Variants in SGCZ observed in about 807,000 individuals in gnomAD.
SGCZ encodes sarcoglycan zeta, also known as zeta-sarcoglycan.
SGCZ carries 40 observed loss-of-function variants against 41.3 expected under a neutral mutation model. That is an observed-to-expected ratio of 0.97 (90% CI 0.75 to 1.26). The LOEUF is 1.26. SGCZ is among the 50% of genes most tolerant of loss of function. SGCZ has a pLI of 0.00. For missense variants in SGCZ, 552 were observed against 369.8 expected, an observed-to-expected ratio of 1.49 and a Z score of -4.04; for synonymous variants, 206 against 137.5, an observed-to-expected ratio of 1.50 and a Z score of -3.49.
At chr8:14,595,607 G>C (rs1004260713) in intron 1 of SGCZ, among the ~76,000 whole-genome samples, 27 of 152,260 alleles carry the variant, frequency 1.8e-4, no homozygotes, top group African/African-American at 6.3e-4. Flanking sequence ...CTAATTCCCA[G>C]TTTGTTTTGC....
intron 1 of SGCZ, among the ~76,000 whole-genome samples, chr8:14,942,162 T>A (rs1800297900): frequency 6.6e-6 from 1 of 151,986 alleles, no homozygotes; most frequent in African/African-American, 2.4e-5. Flanking sequence ...TGGTACCACA[T>A]CTTGAGAGTA....
rs892073440 is a variant in SGCZ at position 15,110,919 on chromosome 8, G to C, written c.39+126666C>G. 1.6e-4 allele frequency among the ~76,000 whole-genome samples: 25 copies of C among 152,104 alleles called. 1 individual carries two copies. The highest frequency in any genetic ancestry group is 6.0e-4 in the African/African-American group (25 of 41,398). On this transcript the variant is annotated intron_variant, in intron 1 of 7. Transcript: ENST00000382080. ...GAAGGCACAGGTTGCAGTGAGCTGA[G>C]GTCGCGCCATTGCACTCCAGTCTGG...
At chr8:14,737,352 A>C (rs1799068237) in intron 1 of SGCZ, among the ~76,000 whole-genome samples, 1 of 152,012 alleles carries the variant, frequency 6.6e-6, no homozygotes, top group Non-Finnish European at 1.5e-5. Context: ...ACAGACGGTC[A>C]ATTGGAAGCA....
chr8:14,985,309 A>G (rs1801794774), intron 1 of SGCZ, among the ~76,000 whole-genome samples: 1 of 152,156 alleles, frequency 6.6e-6, no homozygotes, highest in Non-Finnish European at 1.5e-5. Context: ...TGGTGACAGC[A>G]TTGGTATACT....
chr8:14,322,860 T>C (rs1264259109), intron 3 of SGCZ, among the ~76,000 whole-genome samples: 1 of 152,160 alleles, frequency 6.6e-6, no homozygotes, highest in Non-Finnish European at 1.5e-5. Flanking sequence ...TGACTATCAA[T>C]GAAAGTAAGA....
At chr8:14,460,708 T>C (rs1401971759) in intron 2 of SGCZ, among the ~76,000 whole-genome samples, 4 of 152,142 alleles carry the variant, frequency 2.6e-5, no homozygotes, top group East Asian at 1.9e-4. Context: ...GTGTATTAGA[T>C]CAAGAAAGAC....
intron 4 of SGCZ, chr8:14,164,958 G>C (rs1457807150): frequency 2.6e-6 from 1 of 388,350 alleles, no homozygotes; most frequent in Non-Finnish European, 4.7e-6. Flanking sequence ...AGCCAGTTAA[G>C]AGCCCTTCAC....
chr8:14,628,093 C>T (rs1386372984), intron 1 of SGCZ, among the ~76,000 whole-genome samples: 1 of 151,916 alleles, frequency 6.6e-6, no homozygotes, highest in Non-Finnish European at 1.5e-5. Flanking sequence ...AAATGTTATG[C>T]TAGAACATGA....
intron 1 of SGCZ, among the ~76,000 whole-genome samples, chr8:14,894,969 A>G (rs936451422): frequency 6.6e-5 from 10 of 152,138 alleles, no homozygotes; most frequent in African/African-American, 2.4e-4. Context: ...TAAATGCAAA[A>G]AAATCTTTAT....
At chr8:14,632,751 C>A (rs190727901) in intron 1 of SGCZ, among the ~76,000 whole-genome samples, 2 of 151,934 alleles carry the variant, frequency 1.3e-5, no homozygotes, top group African/African-American at 4.8e-5. Context: ...ATCCAATATT[C>A]TATTTCTATA....
At chr8:14,678,052 A>T (rs1210910659) in intron 1 of SGCZ, among the ~76,000 whole-genome samples, 1 of 152,194 alleles carries the variant, frequency 6.6e-6, no homozygotes, top group African/African-American at 2.4e-5. Context: ...TACAAAATGG[A>T]TCACAAACTT....
chr8:15,166,729 G>A (rs1030436242), intron 1 of SGCZ, among the ~76,000 whole-genome samples: 1 of 152,144 alleles, frequency 6.6e-6, no homozygotes, highest in Admixed American at 6.5e-5. Flanking sequence ...GTTTCTAACT[G>A]CAACTACCCT....
Position 15,232,001 on chromosome 8 carries a change from C to G in SGCZ, c.39+5584G>C, listed in dbSNP as rs568949531. ...AGAAGCTAAGAATTTTATCACAAACCAAGCACAATTCTCAACAAATAAATG... is the reference window on the plus strand; with the variant it reads ...AGAAGCTAAGAATTTTATCACAAACGAAGCACAATTCTCAACAAATAAATG... On this transcript the variant is annotated intron_variant, in intron 1 of 7. Coordinates refer to ENST00000382080, the MANE Select transcript of SGCZ (RefSeq NM_139167.4). Among the ~76,000 whole-genome samples the G allele has an allele frequency of 2.0e-4, 31 of 152,246 alleles. No homozygotes were observed. In the South Asian group the frequency reaches 5.2e-3, roughly 25 times the overall value.
intron 4 of SGCZ, among the ~76,000 whole-genome samples, chr8:14,230,356 A>G (rs1031602335): frequency 1.4e-4 from 22 of 152,118 alleles, no homozygotes; most frequent in African/African-American, 5.3e-4. Context: ...CTTATACATA[A>G]TGCATACTAT....
At chr8:14,282,790 C>T (rs1006643533) in intron 3 of SGCZ, among the ~76,000 whole-genome samples, 1 of 151,376 alleles carries the variant, frequency 6.6e-6, no homozygotes, top group Non-Finnish European at 1.5e-5. Flanking sequence ...CTCTACATTT[C>T]CTACCTTTCA....
At chr8:14,165,933 C>G (rs996670742) in intron 4 of SGCZ, among the ~76,000 whole-genome samples, 2 of 152,116 alleles carry the variant, frequency 1.3e-5, no homozygotes, top group Non-Finnish European at 2.9e-5. Context: ...ACTCCCAGTG[C>G]TAGCCAATAG....
intron 5 of SGCZ, among the ~76,000 whole-genome samples, chr8:14,163,977 T>G (rs1804129490): frequency 6.6e-6 from 1 of 152,204 alleles, no homozygotes; most frequent in African/African-American, 2.4e-5. Context: ...AGATTGTGCT[T>G]AAAATTGTCA....
At chr8:14,981,906 T>G (rs1254524076) in intron 1 of SGCZ, among the ~76,000 whole-genome samples, 2 of 152,064 alleles carry the variant, frequency 1.3e-5, no homozygotes, top group African/African-American at 4.8e-5. Context: ...TCCCAGCACT[T>G]TGGGAGGCTG....
At chr8:15,217,021 T>C (rs192210977) in intron 1 of SGCZ, among the ~76,000 whole-genome samples, 65 of 152,098 alleles carry the variant, frequency 4.3e-4, no homozygotes, top group Non-Finnish European at 7.1e-4. Flanking sequence ...ACTTTTCAGG[T>C]ATCATGTCCT....
Sources: allele counts gnomAD v4.1 joint callset (sites outside exome capture counted in the v4.1 genomes callset), GRCh38; gene constraint gnomAD v4.1.1; transcripts MANE v1.5; gene names NCBI Gene and HGNC (gene_info 2026-07-23, HGNC 2026-07-21).